Variants in METTL24 observed in about 807,000 individuals in gnomAD.
The protein encoded by METTL24 is methyltransferase like 24, also known as probable methyltransferase-like protein 24.
A neutral mutation model predicts 32.7 loss-of-function variants in METTL24; 29 were observed. That is an observed-to-expected ratio of 0.89 (90% confidence interval 0.66 to 1.21). The LOEUF is 1.21. Ranked by LOEUF, METTL24 falls within the 50% of genes most tolerant of loss-of-function variation. The pLI, the probability that METTL24 is intolerant of heterozygous loss-of-function variation, is 0.00. For synonymous variants in METTL24, 163 were observed against 179.5 expected (o/e 0.91, Z 0.73); for missense variants, 439 against 468.1 (o/e 0.94, Z 0.57).
chr6:110,295,039 T>A (rs1269664554), intron 4 of METTL24, among the ~76,000 whole-genome samples: 1 of 138,328 alleles, frequency 7.2e-6, no homozygotes, highest in East Asian at 2.0e-4. Context: ...TTTTTTTTTT[T>A]GAGAGAGGGG....
At position 110,284,927 on chromosome 6, in the gene METTL24, T is replaced by C. The variant is rs566403546; in HGVS notation, c.786+13995A>G. On this transcript the variant is annotated intron_variant, in intron 4 of 4. Transcript: ENST00000338882. Reference sequence around the variant, plus strand: ...TACACTTAACACTGCAGAAGACAGATAGAAGCAAGCATGAGTTGGTGGCCC... The same window carrying C: ...TACACTTAACACTGCAGAAGACAGACAGAAGCAAGCATGAGTTGGTGGCCC... 8.5e-5 allele frequency among the ~76,000 whole-genome samples: 13 copies of C among 152,340 alleles called. No individual in the cohort carries two copies. In the South Asian group the frequency reaches 2.7e-3, roughly 32 times the overall value.
intron 4 of METTL24, among the ~76,000 whole-genome samples, chr6:110,250,203 T>C (rs1482246259): frequency 6.6e-6 from 1 of 151,962 alleles, no homozygotes; most frequent in Admixed American, 6.6e-5. Flanking sequence ...CTCACAGTTG[T>C]GAAGACTAGA....
At chr6:110,357,356 T>C (rs1010090407) in intron 1 of METTL24, 2 of 152,190 alleles carry the variant, frequency 1.3e-5, no homozygotes, top group African/African-American at 4.8e-5. Context: ...GAGGATCCAA[T>C]TAACTTCTCA....
chr6:110,258,789 T>TACAC (rs146964745), intron 4 of METTL24, among the ~76,000 whole-genome samples: 3,314 of 145,862 alleles, frequency 0.023, 96 homozygotes, highest in African/African-American at 0.061. Flanking sequence ...TAGATGCATT[T>TACAC]ACACACACAC....
chr6:110,305,403 G>C (rs1005312111), intron 3 of METTL24, among the ~76,000 whole-genome samples: 15 of 151,360 alleles, frequency 9.9e-5, no homozygotes, highest in African/African-American at 3.7e-4. Flanking sequence ...CTACAGAATG[G>C]GAAAAAAAAT....
intron 1 of METTL24, chr6:110,332,425 A>G (rs1772125024): frequency 1.3e-6 from 1 of 761,296 alleles, no homozygotes; most frequent in Admixed American, 6.3e-5. Context: ...GGCAGTAAAA[A>G]CAGAAGCCAT....
intron 3 of METTL24, among the ~76,000 whole-genome samples, chr6:110,313,907 A>G (rs1027608872): frequency 1.3e-5 from 2 of 152,200 alleles, no homozygotes; most frequent in African/African-American, 2.4e-5. Context: ...AGCTCCACCA[A>G]TATACACCAT....
chr6:110,306,100 G>A (rs12662669), intron 3 of METTL24, among the ~76,000 whole-genome samples: 2,638 of 148,040 alleles, frequency 0.018, 76 homozygotes, highest in East Asian at 0.12. Flanking sequence ...AGTGGGAGCT[G>A]AACAACAAGA....
At chr6:110,274,802 CTTTTTTTTT>C (rs1196371607) in intron 4 of METTL24, among the ~76,000 whole-genome samples, 6 of 90,088 alleles carry the variant, frequency 6.7e-5, no homozygotes, top group Admixed American at 6.0e-4. Context: ...TTCGTTCTTT[CTTTTTTTTT>C]TTTTTTTTTG....
intron 1 of METTL24, 87 bp from the exon 2 acceptor site, chr6:110,322,959 C>T (rs1248779873): frequency 4.0e-6 from 4 of 1,008,536 alleles, no homozygotes; most frequent in Non-Finnish European, 5.9e-6. Flanking sequence ...GGAAGCAAGG[C>T]TGCTTTGGCT....
intron 1 of METTL24, among the ~76,000 whole-genome samples, chr6:110,331,124 GA>G (rs1444892806): frequency 6.6e-6 from 1 of 152,114 alleles, no homozygotes; most frequent in Non-Finnish European, 1.5e-5. Context: ...TACAATAACT[GA>G]AATAAAATCT....
chr6:110,257,910 T>C (rs982220015), intron 4 of METTL24, among the ~76,000 whole-genome samples: 2 of 152,254 alleles, frequency 1.3e-5, no homozygotes, highest in African/African-American at 4.8e-5. Context: ...GCGAGGCTTA[T>C]AGTCTCTGGA....
At chr6:110,280,400 A>G (rs554113604) in intron 4 of METTL24, among the ~76,000 whole-genome samples, 1 of 152,312 alleles carries the variant, frequency 6.6e-6, no homozygotes, top group African/African-American at 2.4e-5. Flanking sequence ...CCAGGTATTC[A>G]ATCGCATGGG....
At chr6:110,346,471 T>A (rs1772475737) in intron 1 of METTL24, among the ~76,000 whole-genome samples, 1 of 151,342 alleles carries the variant, frequency 6.6e-6, no homozygotes, top group African/African-American at 2.4e-5. Context: ...TAATAAGCAG[T>A]TCCTTTGTCC....
intron 4 of METTL24, among the ~76,000 whole-genome samples, chr6:110,270,837 CTTTT>C (rs3075091): frequency 2.4e-5 from 3 of 124,714 alleles, no homozygotes; most frequent in Admixed American, 8.3e-5. Flanking sequence ...CATCTTGATT[CTTTT>C]TTTTTTTTTT....
At chr6:110,269,824 C>A (rs1770922633) in intron 4 of METTL24, among the ~76,000 whole-genome samples, 1 of 151,950 alleles carries the variant, frequency 6.6e-6, no homozygotes, top group African/African-American at 2.4e-5. Context: ...ATTTGTTTGA[C>A]AAGAAGGAGG....
At chr6:110,310,534 C>A (rs1047470039) in intron 3 of METTL24, among the ~76,000 whole-genome samples, 1 of 152,122 alleles carries the variant, frequency 6.6e-6, no homozygotes, top group Non-Finnish European at 1.5e-5. Context: ...GAACCCACAG[C>A]CTCTCCTTTT....
intron 1 of METTL24, among the ~76,000 whole-genome samples, chr6:110,353,103 C>T (rs757264581): frequency 1.3e-5 from 2 of 152,208 alleles, no homozygotes; most frequent in African/African-American, 2.4e-5. Flanking sequence ...TCTTCATCCA[C>T]GACACATCAA....
intron 4 of METTL24, among the ~76,000 whole-genome samples, chr6:110,295,794 A>AAAAGAAAGAAAGGAAGGAAGGAAGG (rs1771403233): frequency 1.2e-3 from 164 of 136,308 alleles, no homozygotes; most frequent in African/African-American, 4.8e-3. Flanking sequence ...AGAAAGAAAG[A>AAAAGAAAGAAAGGAAGGAAGGAAGG]AAGGAAGGAA....
Sources: allele counts gnomAD v4.1 joint callset (sites outside exome capture counted in the v4.1 genomes callset), GRCh38; gene constraint gnomAD v4.1.1; transcripts MANE v1.5; gene names NCBI Gene and HGNC (gene_info 2026-07-23, HGNC 2026-07-21).